The following CCAR2 variants were observed in gnomAD, a reference collection of about 807,000 sequenced individuals.
CCAR2 encodes the protein cell cycle and apoptosis regulator protein 2.
A neutral mutation model predicts 108.1 loss-of-function variants in CCAR2; 21 were observed. The observed-to-expected ratio is 0.19, with a 90% CI of 0.14 to 0.28. The LOEUF is 0.28. Among genes scored for constraint, CCAR2 ranks in the 10% least tolerant of loss-of-function variants. The probability of loss-of-function intolerance (pLI) is 1.00; values close to 1 mark genes in which losing one functional copy is unlikely to be tolerated. For synonymous variants in CCAR2, 577 were observed against 472.8 expected (o/e 1.22, Z -2.86); for missense variants, 1,126 against 1,177.0 (o/e 0.96, Z 0.63).
intron 7 of CCAR2, among the ~76,000 whole-genome samples, chr8:22,609,850 T>C (rs555765250): frequency 6.6e-6 from 1 of 152,348 alleles, no homozygotes; most frequent in Admixed American, 6.5e-5. Context: ...TGTATTACTT[T>C]GGCCATTATG....
chr8:22,619,494 G>C (rs1801670269), intron 20 of CCAR2, 139 bp downstream of exon 20: 1 of 1,400,624 alleles, frequency 7.1e-7, no homozygotes, highest in Admixed American at 2.0e-5. Context: ...TTGCCAGGCA[G>C]TGTGCCCCTG....
intron 10 of CCAR2, 141 bp from the exon 11 acceptor site, chr8:22,614,697 T>C: frequency 8.7e-7 from 1 of 1,154,742 alleles, no homozygotes; most frequent in Non-Finnish European, 1.3e-6. Context: ...GGCTGGTTCA[T>C]GTTTGCAGAT....
chr8:22,618,113 T>C, intron 16 of CCAR2: 3 of 606,256 alleles, frequency 4.9e-6, no homozygotes. Flanking sequence ...GGGGTTTCGC[T>C]GTGTTGCCCA....
rs917164959 is a variant in CCAR2, at chr8:22,610,241, T to G, written c.584+2176T>G. Among the ~76,000 whole-genome samples, 10 of 152,330 alleles carry G rather than the reference T, an allele frequency of 6.6e-5. No homozygotes were observed. The East Asian group carries it at 7.7e-4, about 12-fold the overall frequency. ...GGGCAGCAACTTTTATTTATTTATT[T>G]AGTTTCTCAGCTTTTAATTTATGAA... On this transcript the variant is annotated intron_variant, in intron 7 of 20. Transcript: ENST00000308511.
At chr8:22,614,063 G>C (rs138410466) in intron 8 of CCAR2, 29 bp from the exon 9 acceptor site, 90 of 1,593,124 alleles carry the variant, frequency 5.6e-5, no homozygotes, top group Non-Finnish European at 7.0e-5. Context: ...TCTTTGCTCA[G>C]TCTGGATTCC....
rs1262677289 is a variant in CCAR2 at position 22,618,376 on chromosome 8, C to T, written c.2101C>T (p.Leu701Phe). The T allele has an allele frequency of 1.2e-6, 2 of 1,614,112 alleles. No homozygotes were observed. Among genetic ancestry groups the T allele is most frequent in the African/African-American group, 1.3e-5 (1 of 74,936 alleles). ...CAAGGAGCTGGATCCCTCTGCTGTGCTCCCCTTAGACTGTCTGCTTGCTTT... is the reference window on the plus strand; with the variant it reads ...CAAGGAGCTGGATCCCTCTGCTGTGTTCCCCTTAGACTGTCTGCTTGCTTT... ...MPKELDPSAV[L>F]PLDCLLAFVF... Residue 701 changes from leucine (L) to phenylalanine (F), a missense_variant, in exon 17 of 21, where the codon CTC (leucine) becomes TTC (phenylalanine). This residue lies in a region of CCAR2 where 1,013 missense variants were observed against 993.9 expected (regional missense o/e 1.02). Coordinates refer to ENST00000308511, the MANE Select transcript of CCAR2 (RefSeq NM_001393997.1).
At chr8:22,618,114 G>T (rs751680) in intron 16 of CCAR2, 1 of 606,004 alleles carries the variant, frequency 1.7e-6, no homozygotes, top group Non-Finnish European at 2.9e-6. Context: ...GGGTTTCGCT[G>T]TGTTGCCCAG....
chr8:22,617,318 A>G (rs1156289656), intron 14 of CCAR2, 102 bp from the exon 15 acceptor site: 10 of 1,358,902 alleles, frequency 7.4e-6, no homozygotes, highest in Non-Finnish European at 1.0e-5. Context: ...CCCTCCATAC[A>G]GTGCCTGGGG....
chr8:22,607,182 C>G lies in CCAR2; in HGVS notation c.358-14C>G, dbSNP rs1801109424. ...CCATGGGGTCCCCTGAATTTCCTGG[C>G]TCCTGTTCTGCAGCCCCTACTGAAG... On this transcript the variant is annotated splice_polypyrimidine_tract_variant and intron_variant, in intron 5 of 20. Coordinates refer to ENST00000308511, the MANE Select transcript of CCAR2 (RefSeq NM_001393997.1). 1.2e-6 allele frequency: 2 copies of G among 1,613,614 alleles called. No homozygotes were observed. Among genetic ancestry groups the G allele is most frequent in the East Asian group, 4.5e-5 (2 of 44,866 alleles).
At chr8:22,606,290 T>C in intron 3 of CCAR2, 114 bp downstream of exon 3, 1 of 940,992 alleles carries the variant, frequency 1.1e-6, no homozygotes, top group Non-Finnish European at 1.7e-6. Context: ...CCTCTCCTGG[T>C]AGTGGGCTAG....
At chr8:22,609,607 T>A (rs1230815020) in intron 7 of CCAR2, among the ~76,000 whole-genome samples, 6 of 152,254 alleles carry the variant, frequency 3.9e-5, no homozygotes, top group Non-Finnish European at 1.5e-5. Context: ...TACCCACTCC[T>A]CTTGTCCTGT....
intron 13 of CCAR2, 41 bp from the exon 14 acceptor site, chr8:22,615,971 T>C: frequency 1.2e-6 from 2 of 1,612,926 alleles, no homozygotes; most frequent in Non-Finnish European, 1.7e-6. Flanking sequence ...TGAAGCAGTC[T>C]TTCTTCCTGA....
intron 7 of CCAR2, chr8:22,612,814 T>C (rs1801342512): frequency 3.6e-6 from 2 of 557,612 alleles, no homozygotes; most frequent in Non-Finnish European, 5.9e-6. Context: ...AGTGTGCTTT[T>C]TGCTTAACAG....
rs1382919468 is a variant in CCAR2, at chr8:22,611,265, GC to G, written c.585-1751del. Among the ~76,000 whole-genome samples the G allele has an allele frequency of 2.0e-5, 3 of 151,424 alleles. No individual in the cohort carries two copies. The East Asian group carries it at 5.8e-4, about 29-fold the overall frequency. ...AATCCCAGCTACTCGGGAGGCTGAG[GC>G]AGGAGAATTGCTTGAACCCGGGAGG... On this transcript the variant is annotated intron_variant, in intron 7 of 20. Transcript: ENST00000308511.
chr8:22,615,932 G>A lies in CCAR2; in HGVS notation c.1608+20G>A, dbSNP rs747943501. 6.2e-7 allele frequency: 1 copy of A among 1,613,598 alleles called. No homozygotes were observed. Among genetic ancestry groups the A allele is most frequent in the African/African-American group, 1.3e-5 (1 of 74,982 alleles). Reference sequence around the variant, plus strand: ...TTTGAGGCAGGTGTCAAGAGTCTTGGGGAGGCTGTGGGCTGGGATTTGTGG... The same window carrying A: ...TTTGAGGCAGGTGTCAAGAGTCTTGAGGAGGCTGTGGGCTGGGATTTGTGG... On this transcript the variant is annotated intron_variant, in intron 13 of 20. Coordinates refer to ENST00000308511, the MANE Select transcript of CCAR2 (RefSeq NM_001393997.1).
intron 8 of CCAR2, chr8:22,613,836 C>T: frequency 2.2e-6 from 1 of 456,310 alleles, no homozygotes; most frequent in Non-Finnish European, 3.9e-6. Context: ...TTGTGAGTTC[C>T]TTTATATTAA....
chr8:22,614,473 G>A lies in CCAR2; in HGVS notation c.1011G>A (p.Glu337=). The part of the protein sequence containing the change: ...LFVDDMAEPR[E]TPEHPLKQIK... ...TGGATGACATGGCTGAGCCAAGGGAGACGCCAGAGCATCCTCTGAAGCAGA... is the reference window on the plus strand; with the variant it reads ...TGGATGACATGGCTGAGCCAAGGGAAACGCCAGAGCATCCTCTGAAGCAGA... The change falls in exon 10 of 21, where the codon GAG becomes GAA. Residue 337 remains glutamate (E), a synonymous_variant. Coordinates refer to ENST00000308511, the MANE Select transcript of CCAR2 (RefSeq NM_001393997.1). The A allele has an allele frequency of 6.2e-7, 1 of 1,614,190 alleles. No individual in the cohort carries two copies. The highest frequency in any genetic ancestry group is 8.5e-7 in the Non-Finnish European group (1 of 1,180,046).
chr8:22,605,650 T>C, intron 1 of CCAR2, 86 bp from the exon 2 acceptor site: 1 of 770,442 alleles, frequency 1.3e-6, no homozygotes, highest in Non-Finnish European at 2.2e-6. Flanking sequence ...TTTTCCGAAA[T>C]ATCCTTACTT....
chr8:22,619,901 TACA>T lies in CCAR2; in HGVS notation c.*223_*225del, dbSNP rs1272982744. On this transcript the variant is annotated 3_prime_UTR_variant, in exon 21 of 21. Transcript: ENST00000308511. ...ACCCCGGTTCCACTTAACAACTAAA[TACA>T]ACATCTTTTGCACCCCTAGAATGTC... 1.5e-5 allele frequency: 9 copies of T among 581,188 alleles called. No individual in the cohort carries two copies. The highest frequency in any genetic ancestry group is 1.0e-4 in the South Asian group (5 of 48,308). 36.0% of individuals were successfully genotyped at this position (581,188 alleles called of 1,614,324 possible).
Sources: gnomAD v4.1 joint callset for allele counts (sites outside exome capture counted in the v4.1 genomes callset) on GRCh38, gnomAD v4.1.1 for gene constraint, gnomAD v4.1.1 regional missense constraint, MANE v1.5 for transcripts, NCBI Gene and HGNC (gene_info 2026-07-23, HGNC 2026-07-21) for gene names.